Variants in FBXW8 observed in about 807,000 individuals in gnomAD.
FBXW8 encodes the protein F-box/WD repeat-containing protein 8.
Under a neutral mutation model 65.3 loss-of-function variants are expected in FBXW8, and 57 were observed. The ratio of observed to expected loss-of-function variants is 0.87; its 90% CI spans 0.71 to 1.09. The LOEUF (loss-of-function observed/expected upper bound fraction) is 1.09, where lower values mean the gene tolerates loss of function less well. Among genes scored for constraint, FBXW8 ranks in the 50% least tolerant of loss-of-function variants. FBXW8 has a pLI of 0.00. For missense variants in FBXW8, 777 were observed against 814.8 expected (o/e 0.95, Z 0.57); for synonymous variants, 308 against 330.2 (o/e 0.93, Z 0.73).
chr12:117,007,426 C>T (rs1953704984), intron 7 of FBXW8, among the ~76,000 whole-genome samples: 1 of 152,184 alleles, frequency 6.6e-6, no homozygotes, highest in Admixed American at 6.5e-5. Context: ...AACACACAAC[C>T]AGCCTCAACA....
chr12:116,953,925 C>G (rs1230097179), intron 4 of FBXW8, among the ~76,000 whole-genome samples: 3 of 151,922 alleles, frequency 2.0e-5, no homozygotes, highest in Non-Finnish European at 2.9e-5. Flanking sequence ...ACCAGCCTGG[C>G]CAACATGGTG....
At chr12:116,912,448 A>ATTT (rs954550711) in intron 1 of FBXW8, among the ~76,000 whole-genome samples, 5 of 126,840 alleles carry the variant, frequency 3.9e-5, no homozygotes, top group African/African-American at 1.5e-4. Flanking sequence ...ATTGAGAATC[A>ATTT]TTCTTTTTTT....
intron 1 of FBXW8, among the ~76,000 whole-genome samples, chr12:116,916,132 A>G (rs1880387912): frequency 1.3e-5 from 2 of 152,160 alleles, no homozygotes; most frequent in African/African-American, 4.8e-5. Flanking sequence ...GTTTGTTGAT[A>G]GCCAGTTTGG....
At chr12:117,022,526 G>A (rs1343055086) in intron 8 of FBXW8, among the ~76,000 whole-genome samples, 1 of 152,032 alleles carries the variant, frequency 6.6e-6, no homozygotes, top group Non-Finnish European at 1.5e-5. Context: ...GTGGTAGCAC[G>A]TGCTTGTAGT....
intron 10 of FBXW8, among the ~76,000 whole-genome samples, chr12:117,027,743 C>T (rs560657950): frequency 1.3e-3 from 194 of 152,340 alleles, no homozygotes; most frequent in Middle Eastern, 6.8e-3. Context: ...GGAGGGCAAG[C>T]CGTATGCTGA....
intron 8 of FBXW8, among the ~76,000 whole-genome samples, chr12:117,023,061 AAAAAG>A (rs1166458638): frequency 6.6e-6 from 1 of 152,244 alleles, no homozygotes; most frequent in African/African-American, 2.4e-5. Context: ...TCTGTTAAAG[AAAAAG>A]AAGTCTTTCT....
Position 116,911,212 on chromosome 12 carries a change from C to G in FBXW8, c.175C>G (p.Leu59Val), listed in dbSNP as rs1264046862. 6 of 1,252,384 alleles carry G rather than the reference C, an allele frequency of 4.8e-6. No individual in the cohort carries two copies. The South Asian group carries it at 1.4e-4, about 29-fold the overall frequency. The allele number at this position is 1,252,384 out of a possible 1,614,324, so 77.6% of individuals were successfully genotyped here. The change falls in exon 1 of 11, where the codon CTC becomes GTC. Residue 59 changes from leucine (L) to valine (V), a missense_variant. By Grantham distance (32) the Leu-to-Val change is conservative. Transcript: ENST00000652555. ...ASGDPALAQR[L>V]LEGAGRPPAA... is the part of the protein sequence containing the mutation. The stretch of plus-strand genomic sequence containing the variant: ...GGGGGACCCGGCGCTGGCCCAGCGT[C>G]TCCTGGAGGGCGCGGGGAGGCCCCC...
chr12:117,002,602 CGT>C (rs1284661423), intron 7 of FBXW8: 8 of 152,274 alleles, frequency 5.3e-5, no homozygotes, highest in African/African-American at 1.9e-4. Flanking sequence ...CAGATACGGC[CGT>C]GTTACCAAGC....
chr12:116,954,262 A>C (rs1227049317), intron 4 of FBXW8, among the ~76,000 whole-genome samples: 1 of 152,176 alleles, frequency 6.6e-6, no homozygotes, highest in Non-Finnish European at 1.5e-5. Flanking sequence ...TTTGGTTTTC[A>C]GTCTGTTTTT....
intron 2 of FBXW8, among the ~76,000 whole-genome samples, chr12:116,939,072 C>G (rs1424816092): frequency 1.3e-5 from 2 of 152,208 alleles, no homozygotes; most frequent in Admixed American, 1.3e-4. Context: ...AATCAGTGTT[C>G]TCTAAAGTGA....
intron 8 of FBXW8, among the ~76,000 whole-genome samples, chr12:117,014,210 G>A (rs1250651563): frequency 6.6e-6 from 1 of 152,134 alleles, no homozygotes; most frequent in Admixed American, 6.5e-5. Context: ...TCTCCATTCT[G>A]CTGTTGAGCC....
intron 3 of FBXW8, among the ~76,000 whole-genome samples, chr12:116,947,219 C>T (rs1882988380): frequency 6.6e-6 from 1 of 152,074 alleles, no homozygotes; most frequent in South Asian, 2.1e-4. Flanking sequence ...TTCTAATGAA[C>T]AGGAAGTCAT....
rs557608709 is a variant in FBXW8 at position 116,953,792 on chromosome 12, AC to A, written c.677+4087del. ...CATCTCAAAAAAAAAAGACAAAAAA[AC>A]AAAACAAAACAAACAAACAAAAAAC... On this transcript the variant is annotated intron_variant, in intron 4 of 10. Coordinates refer to ENST00000652555, the MANE Select transcript of FBXW8 (RefSeq NM_153348.3). Among the ~76,000 whole-genome samples the A allele has an allele frequency of 6.8e-3, 1,012 of 148,464 alleles. 13 individuals are homozygous for A. The highest frequency in any genetic ancestry group is 0.024 in the African/African-American group (963 of 40,254).
chr12:117,011,689 GGCAGCT>G (rs1953822937), intron 8 of FBXW8, among the ~76,000 whole-genome samples: 1 of 152,126 alleles, frequency 6.6e-6, no homozygotes, highest in African/African-American at 2.4e-5. Flanking sequence ...ACAGGGACCT[GGCAGCT>G]GCTTGGTTTT....
intron 1 of FBXW8, among the ~76,000 whole-genome samples, chr12:116,914,593 A>AG (rs1171781152): frequency 7.3e-6 from 1 of 136,748 alleles, no homozygotes; most frequent in Non-Finnish European, 1.6e-5. Flanking sequence ...AAAAAAAAAA[A>AG]GGCTGGGCCT....
intron 3 of FBXW8, 110 bp from the exon 4 acceptor site, chr12:116,949,508 T>G: frequency 1.1e-6 from 1 of 884,042 alleles, no homozygotes; most frequent in Non-Finnish European, 1.9e-6. Flanking sequence ...AATGCACTTG[T>G]TGTCCATGCT....
chr12:116,917,130 A>C (rs1315484738), intron 1 of FBXW8, among the ~76,000 whole-genome samples: 1 of 152,220 alleles, frequency 6.6e-6, no homozygotes, highest in Non-Finnish European at 1.5e-5. Context: ...GTGCTTGGAT[A>C]CAGAGAGACA....
At chr12:116,947,283 T>C (rs1403168386) in intron 3 of FBXW8, among the ~76,000 whole-genome samples, 1 of 152,186 alleles carries the variant, frequency 6.6e-6, no homozygotes, top group Non-Finnish European at 1.5e-5. Context: ...TGGAGCGGAC[T>C]GCAGGCTGAA....
At position 117,028,116 on chromosome 12, in the gene FBXW8, G is replaced by T. The variant is rs139120742; in HGVS notation, c.1741G>T (p.Ala581Ser). ...CCCTGTCTGCCGTTCATCCTGTGACGCCATGGCCACTCACTACTACGACCT... is the reference window on the plus strand; with the variant it reads ...CCCTGTCTGCCGTTCATCCTGTGACTCCATGGCCACTCACTACTACGACCT... Reference protein sequence around the residue: ...PLPVCRSSCDAMATHYYDLAL... With the variant: ...PLPVCRSSCDSMATHYYDLAL... Residue 581 changes from alanine (A) to serine (S), a missense_variant, in exon 11 of 11, where the codon GCC becomes TCC. Ala to Ser is a moderately conservative substitution (Grantham distance 99). Coordinates refer to ENST00000652555, the MANE Select transcript of FBXW8 (RefSeq NM_153348.3). The surrounding 1 kb of genome is among the most constrained non-coding windows in gnomAD (Gnocchi z 4.1). The T allele has an allele frequency of 5.0e-6, 8 of 1,613,978 alleles. No individual in the cohort carries two copies. The highest frequency in any genetic ancestry group is 1.7e-5 in the Admixed American group (1 of 60,006).
Sources: gnomAD v4.1 joint callset for allele counts (sites outside exome capture counted in the v4.1 genomes callset) on GRCh38, gnomAD v4.1.1 for gene constraint, Gnocchi (gnomAD v3.1) non-coding constraint, MANE v1.5 for transcripts, NCBI Gene and HGNC (gene_info 2026-07-23, HGNC 2026-07-21) for gene names.